The following NXN variants were observed in gnomAD, a reference collection of about 807,000 sequenced individuals.
The protein encoded by NXN is nucleoredoxin, also known as nucleoredoxin 1.
Under a neutral mutation model 48.6 loss-of-function variants are expected in NXN, and 16 were observed. The observed-to-expected ratio is 0.33, with a 90% confidence interval of 0.22 to 0.50. The LOEUF is 0.50. Ranked by LOEUF, NXN falls within the 20% of genes least tolerant of loss-of-function variation. The probability of loss-of-function intolerance (pLI) is 0.98; values close to 1 mark genes in which losing one functional copy is unlikely to be tolerated. For missense variants in NXN, 492 were observed against 605.5 expected (o/e 0.81, Z 1.97); for synonymous variants, 281 against 269.6 (o/e 1.04, Z -0.41).
At chr17:933,423 G>A (rs12941602) in intron 1 of NXN, 18,414 of 152,032 alleles carry the variant, frequency 0.12, 1,391 homozygotes, top group Middle Eastern at 0.24. Flanking sequence ...TCAGGATGGG[G>A]GTGGGGGAAG....
chr17:863,893 C>A, intron 1 of NXN: 2 of 1,333,040 alleles, frequency 1.5e-6, no homozygotes, highest in Non-Finnish European at 2.1e-6. Flanking sequence ...TTACACAGAG[C>A]TCTGTAGAGG....
intron 5 of NXN, among the ~76,000 whole-genome samples, chr17:811,721 A>T (rs1168230775): frequency 1.3e-5 from 2 of 152,074 alleles, no homozygotes; most frequent in Non-Finnish European, 2.9e-5. Flanking sequence ...CTCATCATCA[A>T]GACCACGGCA....
intron 1 of NXN, among the ~76,000 whole-genome samples, chr17:911,491 C>A (rs1157447295): frequency 1.3e-5 from 2 of 151,836 alleles, no homozygotes; most frequent in East Asian, 3.9e-4. Context: ...AGACGCCCGG[C>A]TAATTTTTTT....
chr17:951,350 GAAA>G (rs34601121), intron 1 of NXN, among the ~76,000 whole-genome samples: 2 of 130,088 alleles, frequency 1.5e-5, no homozygotes, highest in Admixed American at 7.9e-5. Flanking sequence ...ACTCCATCTC[GAAA>G]AAAAAAAAAA....
chr17:963,193 A>G (rs1308721321), intron 1 of NXN, among the ~76,000 whole-genome samples: 4 of 148,184 alleles, frequency 2.7e-5, no homozygotes, highest in African/African-American at 1.0e-4. Flanking sequence ...AAAAAAAAAA[A>G]AAGGTATAGG....
At chr17:837,271 T>C (rs71357120) in intron 1 of NXN, among the ~76,000 whole-genome samples, 7,605 of 152,174 alleles carry the variant, frequency 0.05, 297 homozygotes, top group East Asian at 0.24. Flanking sequence ...AGCCACTGTG[T>C]TCAGCCCCCA....
In NXN at chr17:843,991, G is replaced by A. The variant is rs138662001; in HGVS notation, c.361-17913C>T. Among the ~76,000 whole-genome samples, 1,109 of 152,364 alleles carry A rather than the reference G, an allele frequency of 7.3e-3. 13 individuals carry two copies. The highest frequency in any genetic ancestry group is 0.025 in the African/African-American group (1,050 of 41,574). ...GGAGGGAAAACGGTCATTCCCTGTCGCTTTGGGGAATCTGCTGCAAAAACA... is the reference window on the plus strand; with the variant it reads ...GGAGGGAAAACGGTCATTCCCTGTCACTTTGGGGAATCTGCTGCAAAAACA... On this transcript the variant is annotated intron_variant, in intron 1 of 7. Coordinates refer to ENST00000336868, the MANE Select transcript of NXN (RefSeq NM_022463.5).
intron 1 of NXN, among the ~76,000 whole-genome samples, chr17:889,701 AAG>A (rs1241782138): frequency 2.5e-5 from 1 of 39,942 alleles, no homozygotes. Flanking sequence ...AAGAAAGAAA[AAG>A]AAAGAAAGAA....
chr17:870,960 A>G (rs1489277379), intron 1 of NXN, among the ~76,000 whole-genome samples: 3 of 151,924 alleles, frequency 2.0e-5, no homozygotes, highest in East Asian at 1.9e-4. Flanking sequence ...CCGGGTTCAC[A>G]CCATTCTCCT....
chr17:831,477 AT>A (rs112284341), intron 1 of NXN, among the ~76,000 whole-genome samples: 1,907 of 25,266 alleles, frequency 0.075, 35 homozygotes, highest in East Asian at 0.42. Context: ...TTATTTATTT[AT>A]TTATTATTTT....
At chr17:846,068 C>A (rs2067857187) in intron 1 of NXN, among the ~76,000 whole-genome samples, 1 of 150,862 alleles carries the variant, frequency 6.6e-6, no homozygotes, top group Non-Finnish European at 1.5e-5. Context: ...GGGGACAGAG[C>A]GAGACTGCAT....
At position 819,565 on chromosome 17, in the gene NXN, G is replaced by A. The variant is rs1173150342; in HGVS notation, c.714-20C>T. On this transcript the variant is annotated intron_variant, in intron 4 of 7. Transcript: ENST00000336868. ...TCCGACCTACAGAGAGACACACGTG[G>A]CGGGCAAGGCTCAGTATCCCCACTG... 4 of 1,540,872 alleles carry A rather than the reference G, an allele frequency of 2.6e-6. No individual in the cohort carries two copies. In the South Asian group the frequency reaches 4.8e-5, roughly 18 times the overall value.
At chr17:930,564 T>C (rs1380545010) in intron 1 of NXN, 1 of 152,064 alleles carries the variant, frequency 6.6e-6, no homozygotes, top group African/African-American at 2.4e-5. Flanking sequence ...CAACACAATG[T>C]AAATACGAAC....
chr17:812,056 T>C (rs930594660), intron 5 of NXN, among the ~76,000 whole-genome samples: 2 of 150,030 alleles, frequency 1.3e-5, no homozygotes, highest in African/African-American at 5.0e-5. Context: ...GCCTCCCGAG[T>C]AGCTGGGACT....
Position 958,638 on chromosome 17 carries a change from G to GCTCA in NXN, c.360+20680_360+20681insTGAG, listed in dbSNP as rs2069198660. Reference sequence around the variant, plus strand: ...ATACAAAAATTAGCCAGGCGTGGTGGCGTGCGCCTGTAGTCCCAGCTACTC... The same window carrying GCTCA: ...ATACAAAAATTAGCCAGGCGTGGTGGCTCACGTGCGCCTGTAGTCCCAGCTACTC... On this transcript the variant is annotated intron_variant, in intron 1 of 7. Transcript: ENST00000336868. The surrounding 1 kb of genome is among the most constrained non-coding windows in gnomAD (Gnocchi z 6.9). Among the ~76,000 whole-genome samples the GCTCA allele has an allele frequency of 6.6e-6, 1 of 152,164 alleles. No homozygotes were observed. The highest frequency in any genetic ancestry group is 1.5e-5 in the Non-Finnish European group (1 of 68,048).
At chr17:859,021 G>A (rs540621514) in intron 1 of NXN, among the ~76,000 whole-genome samples, 3 of 152,204 alleles carry the variant, frequency 2.0e-5, no homozygotes, top group Non-Finnish European at 4.4e-5. Context: ...AGGAGGAACT[G>A]ACAACATGAT....
chr17:811,083 A>C (rs1420777749), intron 5 of NXN, among the ~76,000 whole-genome samples: 1 of 152,212 alleles, frequency 6.6e-6, no homozygotes, highest in Admixed American at 6.5e-5. Flanking sequence ...ATGAGGAAGG[A>C]GGGAAGCAGA....
At chr17:845,167 C>T (rs1413425904) in intron 1 of NXN, among the ~76,000 whole-genome samples, 1 of 152,084 alleles carries the variant, frequency 6.6e-6, no homozygotes, top group African/African-American at 2.4e-5. Flanking sequence ...AGGTGATCCA[C>T]TGAATTGAGA....
intron 1 of NXN, among the ~76,000 whole-genome samples, chr17:832,061 T>G (rs16956017): frequency 0.35 from 51,473 of 149,004 alleles, 9,466 homozygotes; most frequent in African/African-American, 0.46. Context: ...GAAGTAAATT[T>G]CAGCCTGTGG....
Sources: gnomAD v4.1 joint callset for allele counts (sites outside exome capture counted in the v4.1 genomes callset) on GRCh38, gnomAD v4.1.1 for gene constraint, Gnocchi (gnomAD v3.1) non-coding constraint, MANE v1.5 for transcripts, NCBI Gene and HGNC (gene_info 2026-07-23, HGNC 2026-07-21) for gene names.